The following SERGEF variants were observed in gnomAD, a reference collection of about 807,000 sequenced individuals.
SERGEF encodes secretion-regulating guanine nucleotide exchange factor.
A neutral mutation model predicts 50.0 loss-of-function variants in SERGEF; 51 were observed. The ratio of observed to expected loss-of-function variants is 1.02; its 90% CI spans 0.81 to 1.29. The LOEUF (loss-of-function observed/expected upper bound fraction) is 1.29. SERGEF is among the 50% of genes most tolerant of loss of function. The probability of loss-of-function intolerance (pLI) is 0.00; values close to 1 mark genes in which losing one functional copy is unlikely to be tolerated. For missense variants in SERGEF, 521 were observed against 557.0 expected (o/e 0.94, Z 0.65); for synonymous variants, 205 against 212.4 (o/e 0.97, Z 0.30).
chr11:17,897,959 C>T (rs1590184948), intron 9 of SERGEF, among the ~76,000 whole-genome samples: 1 of 152,178 alleles, frequency 6.6e-6, no homozygotes, highest in Non-Finnish European at 1.5e-5. Context: ...CAATTTGAAA[C>T]CTTAAAATAC....
At chr11:17,806,590 T>C (rs561598384) in intron 10 of SERGEF, among the ~76,000 whole-genome samples, 1 of 152,312 alleles carries the variant, frequency 6.6e-6, no homozygotes, top group East Asian at 1.9e-4. Flanking sequence ...AGCCTCTGTA[T>C]TGCTGGGTGA....
chr11:17,818,787 G>A (rs1272043277), intron 10 of SERGEF, among the ~76,000 whole-genome samples: 1 of 152,140 alleles, frequency 6.6e-6, no homozygotes, highest in African/African-American at 2.4e-5. Context: ...CTATAGCATG[G>A]CATTCAAGGC....
intron 10 of SERGEF, among the ~76,000 whole-genome samples, chr11:17,833,846 A>T (rs929451891): frequency 6.6e-6 from 1 of 152,282 alleles, no homozygotes; most frequent in Middle Eastern, 3.4e-3. Flanking sequence ...TATTTACCCA[A>T]TGCCTGTAAC....
chr11:17,966,018 T>G (rs1451046356), intron 8 of SERGEF, among the ~76,000 whole-genome samples: 1 of 152,240 alleles, frequency 6.6e-6, no homozygotes, highest in African/African-American at 2.4e-5. Context: ...TATTAAGGAT[T>G]TCCATGGTTC....
chr11:17,878,104 C>T (rs1851270671), intron 10 of SERGEF, 104 bp downstream of exon 10: 2 of 788,954 alleles, frequency 2.5e-6, no homozygotes, highest in South Asian at 1.6e-5. Flanking sequence ...CCCTAACACA[C>T]ATGCATGAGT....
chr11:17,847,323 G>A (rs1300197444), intron 10 of SERGEF, among the ~76,000 whole-genome samples: 1 of 152,144 alleles, frequency 6.6e-6, no homozygotes, highest in Non-Finnish European at 1.5e-5. Flanking sequence ...AGGGCTGTAC[G>A]TGACCCTGCT....
chr11:17,837,659 CTTT>C (rs1181213006), intron 10 of SERGEF, among the ~76,000 whole-genome samples: 9 of 133,548 alleles, frequency 6.7e-5, no homozygotes, highest in Admixed American at 7.5e-5. Context: ...AAACCTCTTT[CTTT>C]TTTTTTTTTT....
chr11:17,802,479 G>A (rs1301620976), intron 10 of SERGEF, among the ~76,000 whole-genome samples: 1 of 152,176 alleles, frequency 6.6e-6, no homozygotes, highest in Non-Finnish European at 1.5e-5. Flanking sequence ...TTGTCTCAGA[G>A]TGTGAATCTT....
intron 9 of SERGEF, among the ~76,000 whole-genome samples, chr11:17,899,349 G>A (rs1851703251): frequency 6.6e-6 from 1 of 152,004 alleles, no homozygotes; most frequent in Non-Finnish European, 1.5e-5. Flanking sequence ...AAAATTTACT[G>A]AGTTCTATGT....
intron 10 of SERGEF, among the ~76,000 whole-genome samples, chr11:17,832,708 C>T (rs569177314): frequency 2.6e-5 from 4 of 152,144 alleles, no homozygotes; most frequent in African/African-American, 9.7e-5. Context: ...GAAATCCAGG[C>T]TGAGGTGGTC....
chr11:17,942,528 A>G (rs1001615591), intron 9 of SERGEF, among the ~76,000 whole-genome samples: 1 of 152,184 alleles, frequency 6.6e-6, no homozygotes, highest in Non-Finnish European at 1.5e-5. Context: ...TAGATTTTAT[A>G]ATTCAACAAT....
intron 9 of SERGEF, among the ~76,000 whole-genome samples, chr11:17,917,674 A>G (rs1438991337): frequency 6.6e-6 from 1 of 152,220 alleles, no homozygotes; most frequent in Non-Finnish European, 1.5e-5. Flanking sequence ...CATTTCAGCA[A>G]GCTTTCCAGG....
At chr11:17,980,188 T>TA (rs1420168771) in intron 8 of SERGEF, among the ~76,000 whole-genome samples, 8 of 152,170 alleles carry the variant, frequency 5.3e-5, no homozygotes. Context: ...TTTTGCAACT[T>TA]AAAGGACCTT....
chr11:17,831,771 C>T (rs114601057), intron 10 of SERGEF, among the ~76,000 whole-genome samples: 49 of 152,326 alleles, frequency 3.2e-4, no homozygotes, highest in African/African-American at 1.2e-3. Flanking sequence ...AAGTTTCCCT[C>T]TTGTCTGTCT....
intron 10 of SERGEF, chr11:17,846,639 C>G: frequency 4.5e-6 from 2 of 447,870 alleles, no homozygotes; most frequent in South Asian, 3.1e-5. Flanking sequence ...AAGTCTCTCA[C>G]AGGATTCAAA....
chr11:17,997,540 G>T (rs1339575994), intron 5 of SERGEF, among the ~76,000 whole-genome samples: 2 of 152,150 alleles, frequency 1.3e-5, no homozygotes, highest in Admixed American at 1.3e-4. Flanking sequence ...ACATCCAAAA[G>T]AATTGAAAGC....
At chr11:17,912,141 T>C (rs1565202793) in intron 9 of SERGEF, among the ~76,000 whole-genome samples, 1 of 152,052 alleles carries the variant, frequency 6.6e-6, no homozygotes, top group Non-Finnish European at 1.5e-5. Context: ...GAACTGAATC[T>C]GGGAGACATA....
At chr11:17,826,800 G>C (rs1309646038) in intron 10 of SERGEF, among the ~76,000 whole-genome samples, 1 of 152,184 alleles carries the variant, frequency 6.6e-6, no homozygotes, top group East Asian at 1.9e-4. Context: ...AAGAATTTAA[G>C]TGTTCTGAAG....
intron 10 of SERGEF, among the ~76,000 whole-genome samples, chr11:17,824,778 C>T (rs557407701): frequency 6.6e-6 from 1 of 152,152 alleles, no homozygotes; most frequent in Non-Finnish European, 1.5e-5. Context: ...TAGATTAGGG[C>T]TCCATCCTTA....
Sources: gnomAD v4.1 joint callset for allele counts (sites outside exome capture counted in the v4.1 genomes callset) on GRCh38, gnomAD v4.1.1 for gene constraint, MANE v1.5 for transcripts, NCBI Gene and HGNC (gene_info 2026-07-23, HGNC 2026-07-21) for gene names.